The following DGKD variants were observed in gnomAD, a reference collection of about 807,000 sequenced individuals.
DGKD encodes diacylglycerol kinase delta.
In DGKD, 68 loss-of-function variants were observed where a neutral mutation model predicts 154.4. That is an observed-to-expected ratio of 0.44 (90% CI 0.36 to 0.54). The LOEUF is 0.54. Ranked by LOEUF, DGKD falls within the 20% of genes least tolerant of loss-of-function variation. The pLI is 0.00. For missense variants in DGKD, 1,343 were observed against 1,593.6 expected (o/e 0.84, Z 2.68); for synonymous variants, 693 against 638.0 (o/e 1.09, Z -1.30).
chr2:233,456,212 C>T (rs1055224065), intron 19 of DGKD, among the ~76,000 whole-genome samples: 4 of 152,174 alleles, frequency 2.6e-5, no homozygotes, highest in African/African-American at 9.7e-5. Context: ...GGACTCCTAG[C>T]GTGTCATTTC....
Position 233,471,032 on chromosome 2 carries a change from T to TGGCCCACCTCCCACTCACAGCCCC in DGKD, c.*1573_*1596dup, listed in dbSNP as rs2063997229. ...CTGAGCAGGCGGCAGTGAACAGCACTGGCCCACCTCCCACTCACAGCCCCT... is the reference window on the plus strand; with the variant it reads ...CTGAGCAGGCGGCAGTGAACAGCACTGGCCCACCTCCCACTCACAGCCCCGGCCCACCTCCCACTCACAGCCCCT... On this transcript the variant is annotated 3_prime_UTR_variant, in exon 30 of 30. Coordinates refer to ENST00000264057, the MANE Select transcript of DGKD (RefSeq NM_152879.3). 6.6e-6 allele frequency: 1 copy of TGGCCCACCTCCCACTCACAGCCCC among 152,414 alleles called. No individual in the cohort carries two copies. Among genetic ancestry groups the TGGCCCACCTCCCACTCACAGCCCC allele is most frequent in the African/African-American group, 2.4e-5 (1 of 41,452 alleles). The allele number at this position is 152,414 out of a possible 1,614,324, so 9.4% of individuals were successfully genotyped here. A position where few individuals can be genotyped will look rare whatever the true frequency, so the allele number is the denominator to read the frequency against.
chr2:233,451,401 G>C (rs558101837), intron 17 of DGKD, among the ~76,000 whole-genome samples: 362 of 152,200 alleles, frequency 2.4e-3, no homozygotes, highest in Non-Finnish European at 3.4e-3. Context: ...CGTGCTTCTA[G>C]CGTGGTCGCA....
At chr2:233,407,335 A>G (rs1279608212) in intron 3 of DGKD, among the ~76,000 whole-genome samples, 1 of 152,266 alleles carries the variant, frequency 6.6e-6, no homozygotes, top group African/African-American at 2.4e-5. Context: ...TTATCCTTAA[A>G]AGTTTTCAAG....
rs1283790883 is a variant in DGKD at position 233,440,235 on chromosome 2, G to T, written c.1086-1652G>T. Reference sequence around the variant, plus strand: ...TCTGGAGCTACTGCTTCATGTTCCAGTTCCTGGCCTTGACCTGTCACCTCT... The same window carrying T: ...TCTGGAGCTACTGCTTCATGTTCCATTTCCTGGCCTTGACCTGTCACCTCT... On this transcript the variant is annotated intron_variant, in intron 9 of 29. Coordinates refer to ENST00000264057, the MANE Select transcript of DGKD (RefSeq NM_152879.3). This position sits in a 1 kb window ranked among gnomAD's most constrained non-coding sequence, Gnocchi z 4.9. 6.6e-6 allele frequency among the ~76,000 whole-genome samples: 1 copy of T among 152,188 alleles called. No homozygotes were observed.
intron 1 of DGKD, among the ~76,000 whole-genome samples, chr2:233,377,163 A>G (rs974733059): frequency 6.7e-6 from 1 of 148,748 alleles, no homozygotes; most frequent in African/African-American, 2.5e-5. Context: ...GCTCACTTCA[A>G]CCTCCACCTC....
intron 28 of DGKD, 96 bp downstream of exon 28, chr2:233,467,299 T>A: frequency 2.3e-6 from 2 of 855,532 alleles, no homozygotes; most frequent in Non-Finnish European, 4.0e-6. Flanking sequence ...GCCTTGCAGC[T>A]CCTCCCTCTT....
rs2242100 is a variant in DGKD, at chr2:233,449,640, C to T, written c.1888+264C>T. Among the ~76,000 whole-genome samples, 108,302 of 151,936 alleles carry T rather than the reference C, an allele frequency of 0.71. 39,394 individuals are homozygous for T. The highest frequency in any genetic ancestry group is 0.87 in the African/African-American group (36,082 of 41,482). ...GACTTCACTATAAGCGTCTCACTCCCGTGAGAGCCTTGAGGTCACGGCCTC... is the reference window on the plus strand; with the variant it reads ...GACTTCACTATAAGCGTCTCACTCCTGTGAGAGCCTTGAGGTCACGGCCTC... On this transcript the variant is annotated intron_variant, in intron 15 of 29. Coordinates refer to ENST00000264057, the MANE Select transcript of DGKD (RefSeq NM_152879.3). This position sits in a 1 kb window ranked among gnomAD's most constrained non-coding sequence, Gnocchi z 5.3.
chr2:233,421,170 G>C (rs2924808), intron 3 of DGKD, among the ~76,000 whole-genome samples: 40,526 of 152,010 alleles, frequency 0.27, 6,453 homozygotes, highest in Admixed American at 0.36. Context: ...CGTGCCCTCA[G>C]CATGTCCACA....
chr2:233,459,668 G>C lies in DGKD; in HGVS notation c.2695-89G>C, dbSNP rs2063561181. The C allele has an allele frequency of 6.6e-7, 1 of 1,525,884 alleles. No individual in the cohort carries two copies. Among genetic ancestry groups the C allele is most frequent in the Non-Finnish European group, 8.8e-7 (1 of 1,130,682 alleles). 94.5% of individuals were successfully genotyped at this position (1,525,884 alleles called of 1,614,324 possible). A position where few individuals can be genotyped will look rare whatever the true frequency, so the allele number is the denominator to read the frequency against. ...CCTGCAAGGCAGGGACGGGTGTGTG[G>C]AGCAGGAAGGTCATGGTGGTGCTGA... On this transcript the variant is annotated intron_variant, in intron 22 of 29. Coordinates refer to ENST00000264057, the MANE Select transcript of DGKD (RefSeq NM_152879.3). The surrounding 1 kb of genome is among the most constrained non-coding windows in gnomAD (Gnocchi z 5.7).
chr2:233,381,268 C>G (rs1702891920), intron 1 of DGKD, among the ~76,000 whole-genome samples: 1 of 152,210 alleles, frequency 6.6e-6, no homozygotes, highest in Non-Finnish European at 1.5e-5. Flanking sequence ...GTAAGATCAG[C>G]TTATAGGTAG....
Position 233,390,383 on chromosome 2 carries a change from C to T in DGKD, c.268-20C>T. 1 of 1,608,754 alleles carries T rather than the reference C, an allele frequency of 6.2e-7. No homozygotes were observed. The highest frequency in any genetic ancestry group is 8.5e-7 in the Non-Finnish European group (1 of 1,175,514). On this transcript the variant is annotated intron_variant, in intron 2 of 29. Coordinates refer to ENST00000264057, the MANE Select transcript of DGKD (RefSeq NM_152879.3). ...TACCTGTCTTTATGTGCCTTAGTCC[C>T]TGTGTTTGTCTCTTTCTAGTCAATC...
chr2:233,452,921 C>T lies in DGKD; in HGVS notation c.2264+861C>T, dbSNP rs2063336735. Among the ~76,000 whole-genome samples, 1 of 152,076 alleles carries T rather than the reference C, an allele frequency of 6.6e-6. No homozygotes were observed. ...AGGCTCTGGGTTTGGGAAAGTGGAC[C>T]CCTAGATTCCAGGTGCTGGCCTGGT... On this transcript the variant is annotated intron_variant, in intron 18 of 29. Transcript: ENST00000264057. The surrounding 1 kb of genome is among the most constrained non-coding windows in gnomAD (Gnocchi z 4.0).
intron 25 of DGKD, 50 bp downstream of exon 25, chr2:233,462,509 C>G: frequency 6.4e-7 from 1 of 1,555,128 alleles, no homozygotes; most frequent in Non-Finnish European, 8.8e-7. Context: ...TGTCTGCCGC[C>G]CTCGGCCCTC....
chr2:233,354,687 C>T lies in DGKD; in HGVS notation c.156+13C>T. 1 of 989,994 alleles carries T rather than the reference C, an allele frequency of 1.0e-6. No individual in the cohort carries two copies. Among genetic ancestry groups the T allele is most frequent in the Non-Finnish European group, 1.2e-6 (1 of 832,602 alleles). The allele number at this position is 989,994 out of a possible 1,614,324, so 61.3% of individuals were successfully genotyped here. ...GATCCGACAGAAGGTGAGCCCGCGGCGCGGCGGCCCGGGCGCGCGCCCCTC... is the reference window on the plus strand; with the variant it reads ...GATCCGACAGAAGGTGAGCCCGCGGTGCGGCGGCCCGGGCGCGCGCCCCTC... On this transcript the variant is annotated intron_variant, in intron 1 of 29. Transcript: ENST00000264057. This position sits in a 1 kb window ranked among gnomAD's most constrained non-coding sequence, Gnocchi z 4.8.
intron 3 of DGKD, among the ~76,000 whole-genome samples, chr2:233,428,071 C>G (rs1430775107): frequency 6.6e-6 from 1 of 152,170 alleles, no homozygotes. Context: ...AGAGACTCAC[C>G]CTCCCCTACC....
intron 1 of DGKD, among the ~76,000 whole-genome samples, chr2:233,359,733 A>C (rs1701693650): frequency 6.6e-6 from 1 of 152,224 alleles, no homozygotes; most frequent in African/African-American, 2.4e-5. Context: ...CAAATATTTG[A>C]GATCTTAACA....
chr2:233,457,230 C>A lies in DGKD; in HGVS notation c.2482C>A (p.Arg828=), dbSNP rs753587074. The A allele has an allele frequency of 6.6e-7, 1 of 1,517,206 alleles. No individual in the cohort carries two copies. The highest frequency in any genetic ancestry group is 8.8e-7 in the Non-Finnish European group (1 of 1,132,768). The allele number at this position is 1,517,206 out of a possible 1,614,324, so 94.0% of individuals were successfully genotyped here. ...TGTCTCTGCTGCTCAGTGTGACGGGCGACCCATCCCACTCCCCAGTCTTCA... is the reference window on the plus strand; with the variant it reads ...TGTCTCTGCTGCTCAGTGTGACGGGAGACCCATCCCACTCCCCAGTCTTCA... ...EQKVLLECDG[R]PIPLPSLQGI... The change falls in exon 21 of 30, where the codon CGA becomes AGA. Residue 828 remains arginine (R), a synonymous_variant. Transcript: ENST00000264057. The surrounding 1 kb of genome is among the most constrained non-coding windows in gnomAD (Gnocchi z 5.5).
chr2:233,447,255 C>T (rs1248744215), intron 12 of DGKD, among the ~76,000 whole-genome samples: 1 of 152,250 alleles, frequency 6.6e-6, no homozygotes, highest in Non-Finnish European at 1.5e-5. Flanking sequence ...CGCTCAGGCT[C>T]CTCTAGTCCA....
Position 233,457,683 on chromosome 2 carries a change from G to A in DGKD, c.2580+355G>A. 2.3e-6 allele frequency: 1 copy of A among 434,554 alleles called. No homozygotes were observed. Among genetic ancestry groups the A allele is most frequent in the Non-Finnish European group, 4.6e-6 (1 of 218,748 alleles). 26.9% of individuals were successfully genotyped at this position (434,554 alleles called of 1,614,324 possible). A position where few individuals can be genotyped will look rare whatever the true frequency, so the allele number is the denominator to read the frequency against. On this transcript the variant is annotated intron_variant, in intron 21 of 29. Coordinates refer to ENST00000264057, the MANE Select transcript of DGKD (RefSeq NM_152879.3). This position sits in a 1 kb window ranked among gnomAD's most constrained non-coding sequence, Gnocchi z 5.5. The stretch of plus-strand genomic sequence containing the variant: ...GGAGAGGGGGAGGCTGTTCCAGGCA[G>A]AGAGAATTGCACAGATGAAGGCTCA...
Sources: allele counts gnomAD v4.1 joint callset (sites outside exome capture counted in the v4.1 genomes callset), GRCh38; gene constraint gnomAD v4.1.1; non-coding constraint Gnocchi (gnomAD v3.1); transcripts MANE v1.5; gene names NCBI Gene and HGNC (gene_info 2026-07-23, HGNC 2026-07-21).